Variants in LARP1B observed in about 807,000 individuals in gnomAD.
LARP1B encodes the protein La ribonucleoprotein 1B, also known as la-related protein 1B.
A neutral mutation model predicts 114.2 loss-of-function variants in LARP1B; 76 were observed. That is an observed-to-expected ratio of 0.67 (90% CI 0.55 to 0.81). LARP1B has a LOEUF of 0.81. Ranked by LOEUF, LARP1B falls within the 30% of genes least tolerant of loss-of-function variation. The pLI is 0.00. For synonymous variants in LARP1B, 345 were observed against 348.0 expected (o/e 0.99, Z 0.10); for missense variants, 1,014 against 1,075.8 (o/e 0.94, Z 0.80).
At chr4:128,118,526 G>A (rs1372328868) in intron 10 of LARP1B, among the ~76,000 whole-genome samples, 8 of 151,788 alleles carry the variant, frequency 5.3e-5, no homozygotes, top group African/African-American at 7.3e-5. Context: ...GTGAGTCACC[G>A]CGCCCTGCTC....
At chr4:128,155,914 G>T in intron 11 of LARP1B, 2 of 1,546,454 alleles carry the variant, frequency 1.3e-6, no homozygotes, top group South Asian at 2.2e-5. Context: ...CAAAATCCCC[G>T]AAGGAGCCAA....
chr4:128,213,980 G>T (rs1759316315), downstream of LARP1B, among the ~76,000 whole-genome samples: 1 of 151,824 alleles, frequency 6.6e-6, no homozygotes, highest in Middle Eastern at 3.4e-3. Context: ...GCGAGGCATT[G>T]CCTCACCTGG....
Position 128,167,775 on chromosome 4 carries a change from A to G in LARP1B, c.1648+5458A>G, listed in dbSNP as rs1312045812. 3.3e-5 allele frequency among the ~76,000 whole-genome samples: 5 copies of G among 152,150 alleles called. No individual in the cohort carries two copies. The East Asian group carries it at 7.7e-4, about 23-fold the overall frequency. Reference sequence around the variant, plus strand: ...TCCATTGCTCCCTGAGAATTTTTCCATGCCTCTTTGTATTCAACCCAGGCC... The same window carrying G: ...TCCATTGCTCCCTGAGAATTTTTCCGTGCCTCTTTGTATTCAACCCAGGCC... On this transcript the variant is annotated intron_variant, in intron 12 of 19. Transcript: ENST00000326639.
At chr4:128,079,417 ATAAC>A (rs1303360630) in intron 4 of LARP1B, among the ~76,000 whole-genome samples, 1 of 151,864 alleles carries the variant, frequency 6.6e-6, no homozygotes, top group African/African-American at 2.4e-5. Flanking sequence ...TTTTTAATAA[ATAAC>A]TAATCCTTAG....
At position 128,160,911 on chromosome 4, in the gene LARP1B, G is replaced by T. The variant is rs183607012; in HGVS notation, c.1525-1283G>T. Among the ~76,000 whole-genome samples the T allele has an allele frequency of 1.0e-3, 159 of 152,288 alleles. 2 individuals carry two copies. Among genetic ancestry groups the T allele is most frequent in the African/African-American group, 3.6e-3 (150 of 41,550 alleles). ...TTCATCTTTGAAGACAGAAGGAAAA[G>T]ATTCTTTTGTTATTAAGAGCAAGCT... On this transcript the variant is annotated intron_variant, in intron 11 of 19. Transcript: ENST00000326639.
intron 15 of LARP1B, among the ~76,000 whole-genome samples, chr4:128,182,481 C>T (rs1425994018): frequency 6.6e-6 from 1 of 152,078 alleles, no homozygotes; most frequent in South Asian, 2.1e-4. Context: ...TTTTGGTACA[C>T]CATGAACCAT....
Position 128,210,197 on chromosome 4 carries a change from A to G in LARP1B, c.*144A>G. The G allele has an allele frequency of 6.9e-7, 1 of 1,451,432 alleles. No individual in the cohort carries two copies. The highest frequency in any genetic ancestry group is 9.1e-7 in the Non-Finnish European group (1 of 1,104,876). 89.9% of individuals were successfully genotyped at this position (1,451,432 alleles called of 1,614,324 possible). A position where few individuals can be genotyped will look rare whatever the true frequency, so the allele number is the denominator to read the frequency against. On this transcript the variant is annotated 3_prime_UTR_variant, in exon 20 of 20. Coordinates refer to ENST00000326639, the MANE Select transcript of LARP1B (RefSeq NM_018078.4). ...CTTCTGGTGTTTAATTGTGATAATAAGAAAGAAGAAAAAGAAAGAAAAGTG... is the reference window on the plus strand; with the variant it reads ...CTTCTGGTGTTTAATTGTGATAATAGGAAAGAAGAAAAAGAAAGAAAAGTG...
At chr4:128,163,492 T>C (rs922810668) in intron 12 of LARP1B, among the ~76,000 whole-genome samples, 2 of 152,094 alleles carry the variant, frequency 1.3e-5, no homozygotes, top group African/African-American at 4.8e-5. Context: ...GGTTGCAAAA[T>C]AGTGATGATT....
At chr4:128,183,224 A>G (rs1303378411) in intron 15 of LARP1B, among the ~76,000 whole-genome samples, 2 of 152,216 alleles carry the variant, frequency 1.3e-5, no homozygotes, top group Admixed American at 6.5e-5. Context: ...ACAGCCTTCT[A>G]TTGGGAGAAG....
Position 128,140,397 on chromosome 4 carries a change from G to A in LARP1B, c.1524+18209G>A, listed in dbSNP as rs1057225589. Among the ~76,000 whole-genome samples, 6 of 152,114 alleles carry A rather than the reference G, an allele frequency of 3.9e-5. No homozygotes were observed. In the South Asian group the frequency reaches 1.2e-3, roughly 32 times the overall value. On this transcript the variant is annotated intron_variant, in intron 11 of 19. Coordinates refer to ENST00000326639, the MANE Select transcript of LARP1B (RefSeq NM_018078.4). The stretch of plus-strand genomic sequence containing the variant: ...TTTATGAATACATCTAGAAAACAAT[G>A]CTGAATGAAAGAAGTGAGGGTTCAT...
chr4:128,136,355 A>G lies in LARP1B; in HGVS notation c.1524+14167A>G, dbSNP rs188599200. On this transcript the variant is annotated intron_variant, in intron 11 of 19. Coordinates refer to ENST00000326639, the MANE Select transcript of LARP1B (RefSeq NM_018078.4). Reference sequence around the variant, plus strand: ...AAAAAAACAAAACAAAAAACAAAAAACAAAACTTACATATTAGTAGCAGAT... The same window carrying G: ...AAAAAAACAAAACAAAAAACAAAAAGCAAAACTTACATATTAGTAGCAGAT... Among the ~76,000 whole-genome samples, 393 of 152,106 alleles carry G rather than the reference A, an allele frequency of 2.6e-3. 2 individuals are homozygous for G. Among genetic ancestry groups the G allele is most frequent in the Admixed American group, 0.018 (276 of 15,234 alleles).
chr4:128,122,534 T>C (rs1056748529), intron 11 of LARP1B: 32 of 1,531,138 alleles, frequency 2.1e-5, no homozygotes, highest in African/African-American at 1.7e-4. Context: ...AACAAGTTAC[T>C]GTGGACAGGC....
intron 5 of LARP1B, among the ~76,000 whole-genome samples, chr4:128,087,499 C>G (rs1322643590): frequency 6.6e-6 from 1 of 152,060 alleles, no homozygotes; most frequent in Non-Finnish European, 1.5e-5. Context: ...AAGAATTGTT[C>G]AGTGAATACC....
At chr4:128,155,635 A>G in intron 11 of LARP1B, 1 of 1,407,924 alleles carries the variant, frequency 7.1e-7, no homozygotes, top group Non-Finnish European at 1.0e-6. Flanking sequence ...GCCAGGAGCC[A>G]TCCGGGCCCT....
In LARP1B at chr4:128,210,199, A is replaced by G; in HGVS notation, c.*146A>G. 6.9e-7 allele frequency: 1 copy of G among 1,440,876 alleles called. No homozygotes were observed. Among genetic ancestry groups the G allele is most frequent in the South Asian group, 1.6e-5 (1 of 63,566 alleles). The allele number at this position is 1,440,876 out of a possible 1,614,324, so 89.3% of individuals were successfully genotyped here. On this transcript the variant is annotated 3_prime_UTR_variant, in exon 20 of 20. Transcript: ENST00000326639. ...TCTGGTGTTTAATTGTGATAATAAGAAAGAAGAAAAAGAAAGAAAAGTGGT... is the reference window on the plus strand; with the variant it reads ...TCTGGTGTTTAATTGTGATAATAAGGAAGAAGAAAAAGAAAGAAAAGTGGT...
At chr4:128,145,938 T>C (rs1417756557) in intron 11 of LARP1B, among the ~76,000 whole-genome samples, 1 of 152,170 alleles carries the variant, frequency 6.6e-6, no homozygotes, top group Non-Finnish European at 1.5e-5. Flanking sequence ...AGTCTGACAA[T>C]ATTAAGTCTT....
At chr4:128,130,883 G>T (rs1184310923) in intron 11 of LARP1B, among the ~76,000 whole-genome samples, 1 of 152,184 alleles carries the variant, frequency 6.6e-6, no homozygotes, top group Non-Finnish European at 1.5e-5. Flanking sequence ...AAAAGACATG[G>T]ATTCATACAA....
rs140719664 is a variant in LARP1B at position 128,178,873 on chromosome 4, G to A, written c.1896+231G>A. Among the ~76,000 whole-genome samples, 447 of 152,202 alleles carry A rather than the reference G, an allele frequency of 2.9e-3. 3 individuals carry two copies. Among genetic ancestry groups the A allele is most frequent in the African/African-American group, 0.01 (419 of 41,522 alleles). On this transcript the variant is annotated intron_variant, in intron 14 of 19. Transcript: ENST00000326639. Reference sequence around the variant, plus strand: ...TTTGGGAGACCGAGGCAGGTGGATCGCTTGTGCCCAGGAGTTGGAGACGAG... The same window carrying A: ...TTTGGGAGACCGAGGCAGGTGGATCACTTGTGCCCAGGAGTTGGAGACGAG...
chr4:128,097,222 T>C (rs1778390395), intron 7 of LARP1B, among the ~76,000 whole-genome samples: 1 of 152,082 alleles, frequency 6.6e-6, no homozygotes. Flanking sequence ...ATGGTCTGTC[T>C]ATCAAAGAAA....
Sources: gnomAD v4.1 joint callset for allele counts (sites outside exome capture counted in the v4.1 genomes callset) on GRCh38, gnomAD v4.1.1 for gene constraint, MANE v1.5 for transcripts, NCBI Gene and HGNC (gene_info 2026-07-23, HGNC 2026-07-21) for gene names.